FMN2: variants seen among roughly 807,000 people sequenced by gnomAD.
The protein encoded by FMN2 is formin 2.
In FMN2, 51 loss-of-function variants were observed where a neutral mutation model predicts 142.3. The observed-to-expected ratio is 0.36, with a 90% CI of 0.29 to 0.45. FMN2 has a LOEUF of 0.45. Ranked by LOEUF, FMN2 falls within the 20% of genes least tolerant of loss-of-function variation. The pLI is 1.00. For missense variants in FMN2, 1,936 were observed against 2,122.8 expected (o/e 0.91, Z 1.73); for synonymous variants, 882 against 869.8 (o/e 1.01, Z -0.25).
At chr1:240,358,693 C>T (rs903216905) in intron 14 of FMN2, among the ~76,000 whole-genome samples, 2 of 152,106 alleles carry the variant, frequency 1.3e-5, no homozygotes, top group African/African-American at 2.4e-5. Flanking sequence ...TGAGAACTCA[C>T]TCCCTATCAT....
At chr1:240,106,893 A>G (rs1661635180) in intron 1 of FMN2, among the ~76,000 whole-genome samples, 1 of 151,756 alleles carries the variant, frequency 6.6e-6, no homozygotes, top group African/African-American at 2.4e-5. Context: ...CATGTTGGCC[A>G]GGCTGGTCTC....
intron 2 of FMN2, among the ~76,000 whole-genome samples, chr1:240,172,618 TGAG>T (rs538257149): frequency 1.1e-3 from 164 of 152,284 alleles, no homozygotes; most frequent in Non-Finnish European, 1.8e-3. Flanking sequence ...GATTTACTGA[TGAG>T]AATATTGAGG....
chr1:240,416,458 C>T (rs895661940), intron 15 of FMN2, among the ~76,000 whole-genome samples: 8 of 151,920 alleles, frequency 5.3e-5, no homozygotes, highest in African/African-American at 1.5e-4. Flanking sequence ...TTAGTAGAGA[C>T]GGGGTTTCGC....
At chr1:240,276,228 A>G (rs182918134) in intron 7 of FMN2, among the ~76,000 whole-genome samples, 23 of 152,316 alleles carry the variant, frequency 1.5e-4, no homozygotes, top group African/African-American at 4.8e-4. Context: ...TCTCTCTGCA[A>G]TGTTCAGCTG....
rs1331537319 is a variant in FMN2 at position 240,207,179 on chromosome 1, G to A, written c.2367G>A (p.Val789=). ...TCTGTTCAGAGATTTCTTTGATTGT[G>A]TCTCCAAGGCGAATATCAGTCCAGC... is the stretch of plus-strand genomic sequence containing the variant. ...TKFCSEISLI[V]SPRRISVQLD... is the part of the protein sequence containing the mutation. Residue 789 remains valine (V), a synonymous_variant, in exon 5 of 18, where the codon GTG becomes GTA. Transcript: ENST00000319653. 4 of 1,613,998 alleles carry A rather than the reference G, an allele frequency of 2.5e-6. No homozygotes were observed. Among genetic ancestry groups the A allele is most frequent in the Non-Finnish European group, 3.4e-6 (4 of 1,179,954 alleles).
Position 240,093,355 on chromosome 1 carries a change from C to G in FMN2, c.1246C>G (p.Pro416Ala), listed in dbSNP as rs1661076626. The G allele has an allele frequency of 6.2e-7, 1 of 1,613,304 alleles. No individual in the cohort carries two copies. Among genetic ancestry groups the G allele is most frequent in the Non-Finnish European group, 8.5e-7 (1 of 1,179,664 alleles). ...TTTCAAGCCCTACCCGCTCATCACCCCCTGCTACATCAAGACCACCACCCG... is the reference window on the plus strand; with the variant it reads ...TTTCAAGCCCTACCCGCTCATCACCGCCTGCTACATCAAGACCACCACCCG... ...RCFKPYPLIT[P>A]CYIKTTTRQL... Residue 416 changes from proline (P) to alanine (A), a missense_variant, in exon 1 of 18, where the codon CCC becomes GCC. Coordinates refer to ENST00000319653, the MANE Select transcript of FMN2 (RefSeq NM_020066.5).
intron 14 of FMN2, among the ~76,000 whole-genome samples, chr1:240,366,536 C>CTTTT (rs36063372): frequency 3.9e-4 from 56 of 143,584 alleles, no homozygotes; most frequent in African/African-American, 1.1e-3. Flanking sequence ...CTATTCTATC[C>CTTTT]TTTTTTTTTT....
intron 3 of FMN2, among the ~76,000 whole-genome samples, chr1:240,179,914 TA>T (rs968292219): frequency 3.3e-5 from 5 of 152,190 alleles, no homozygotes; most frequent in African/African-American, 1.2e-4. Flanking sequence ...ATGATATTCT[TA>T]AATTTTAGGG....
chr1:240,387,462 A>T (rs1237659572), intron 14 of FMN2, among the ~76,000 whole-genome samples: 1 of 152,214 alleles, frequency 6.6e-6, no homozygotes, highest in African/African-American at 2.4e-5. Context: ...ATTTACTGCT[A>T]TGTCTTTAAA....
At chr1:240,123,040 A>G in intron 1 of FMN2, 139 bp from the exon 2 acceptor site, 1 of 871,648 alleles carries the variant, frequency 1.1e-6, no homozygotes, top group Non-Finnish European at 1.7e-6. Flanking sequence ...TCCTAGCTTG[A>G]GAGGCTCCTT....
intron 2 of FMN2, chr1:240,143,305 A>C: frequency 6.6e-7 from 1 of 1,520,584 alleles, no homozygotes. Flanking sequence ...GATGAGGGCC[A>C]GTGCTAAAGG....
rs550718094 is a variant in FMN2 at position 240,365,152 on chromosome 1, T to C, written c.4858+9244T>C. On this transcript the variant is annotated intron_variant, in intron 14 of 17. Transcript: ENST00000319653. Reference sequence around the variant, plus strand: ...ATGTGCATATATAGATATAGATATATACACATATACATACATACATACGTG... The same window carrying C: ...ATGTGCATATATAGATATAGATATACACACATATACATACATACATACGTG... Among the ~76,000 whole-genome samples, 161 of 148,502 alleles carry C rather than the reference T, an allele frequency of 1.1e-3. 1 individual carries two copies. Among genetic ancestry groups the C allele is most frequent in the African/African-American group, 4.1e-3 (156 of 38,176 alleles).
intron 2 of FMN2, among the ~76,000 whole-genome samples, chr1:240,156,246 TCAA>T (rs757448511): frequency 1.3e-5 from 2 of 152,170 alleles, no homozygotes; most frequent in Admixed American, 6.6e-5. Flanking sequence ...TAAGACCCTG[TCAA>T]CAACAACAAC....
chr1:240,413,722 A>C (rs540452465), intron 15 of FMN2, among the ~76,000 whole-genome samples: 1 of 152,332 alleles, frequency 6.6e-6, no homozygotes, highest in Non-Finnish European at 1.5e-5. Context: ...ATGTTTGGAC[A>C]TCATAGGAGA....
intron 15 of FMN2, among the ~76,000 whole-genome samples, chr1:240,410,797 CATTTTTATTT>C (rs1192378604): frequency 1.3e-5 from 2 of 152,050 alleles, no homozygotes; most frequent in Non-Finnish European, 2.9e-5. Context: ...CCTTTTTATT[CATTTTTATTT>C]CTCTCAAAGT....
intron 13 of FMN2, among the ~76,000 whole-genome samples, chr1:240,349,934 G>T (rs531654492): frequency 1.0e-4 from 15 of 148,976 alleles, no homozygotes; most frequent in African/African-American, 3.8e-4. Context: ...CTTCAAGTTT[G>T]TGAGATTGTA....
At chr1:240,448,520 G>A (rs12060397) in intron 16 of FMN2, among the ~76,000 whole-genome samples, 27,282 of 151,944 alleles carry the variant, frequency 0.18, 2,653 homozygotes, top group African/African-American at 0.22. Context: ...TAAATACTTA[G>A]AAAAAAAGAA....
chr1:240,401,089 C>T (rs1480393570), intron 15 of FMN2: 1 of 150,160 alleles, frequency 6.7e-6, no homozygotes, highest in Non-Finnish European at 1.5e-5. Context: ...GGAGCCACTG[C>T]ACTCCAGCAT....
chr1:240,249,755 C>T (rs2102883153), intron 6 of FMN2, among the ~76,000 whole-genome samples: 1 of 152,110 alleles, frequency 6.6e-6, no homozygotes, highest in Admixed American at 6.5e-5. Flanking sequence ...CTATTCGTTT[C>T]TGTCCTCTTC....
Sources: allele counts gnomAD v4.1 joint callset (sites outside exome capture counted in the v4.1 genomes callset), GRCh38; gene constraint gnomAD v4.1.1; transcripts MANE v1.5; gene names NCBI Gene and HGNC (gene_info 2026-07-23, HGNC 2026-07-21).